The following CLMN variants were observed in gnomAD, a reference collection of about 807,000 sequenced individuals.
The protein encoded by CLMN is calmin.
A neutral mutation model predicts 92.7 loss-of-function variants in CLMN; 57 were observed. The ratio of observed to expected loss-of-function variants is 0.61; its 90% CI spans 0.50 to 0.77. CLMN has a LOEUF of 0.77. Among genes scored for constraint, CLMN ranks in the 30% least tolerant of loss-of-function variants. CLMN has a pLI of 0.00. For missense variants in CLMN, 1,158 were observed against 1,237.5 expected (o/e 0.94, Z 0.96); for synonymous variants, 466 against 470.6 (o/e 0.99, Z 0.13).
intron 7 of CLMN, among the ~76,000 whole-genome samples, chr14:95,210,178 G>A (rs949276035): frequency 3.9e-5 from 6 of 151,952 alleles, no homozygotes; most frequent in African/African-American, 7.3e-5. Flanking sequence ...TCAGTCTCCC[G>A]AGTAGCTGGG....
chr14:95,260,417 G>A (rs1899203642), intron 1 of CLMN: 1 of 151,762 alleles, frequency 6.6e-6, no homozygotes, highest in Non-Finnish European at 1.5e-5. Context: ...ACTCCAGCCT[G>A]GGCAACAGAG....
intron 1 of CLMN, among the ~76,000 whole-genome samples, chr14:95,235,391 C>T (rs1246322980): frequency 6.6e-6 from 1 of 152,172 alleles, no homozygotes; most frequent in African/African-American, 2.4e-5. Context: ...AGATGATTAG[C>T]ATCATTTTTT....
rs1484032533 is a variant in CLMN, at chr14:95,186,906, C to T, written c.*4658G>A. On this transcript the variant is annotated 3_prime_UTR_variant, in exon 13 of 13. Transcript: ENST00000298912. ...GTGAAGCAAGGGTGGTAAAGAAAACCTAGAACCCAGACCACCACATAGACT... is the reference window on the plus strand; with the variant it reads ...GTGAAGCAAGGGTGGTAAAGAAAACTTAGAACCCAGACCACCACATAGACT... 1.3e-5 allele frequency: 2 copies of T among 152,106 alleles called. No homozygotes were observed. Among genetic ancestry groups the T allele is most frequent in the African/African-American group, 4.8e-5 (2 of 41,376 alleles). 9.4% of individuals were successfully genotyped at this position (152,106 alleles called of 1,614,324 possible). A position where few individuals can be genotyped will look rare whatever the true frequency, so the allele number is the denominator to read the frequency against.
intron 9 of CLMN, among the ~76,000 whole-genome samples, chr14:95,199,814 C>T (rs981884471): frequency 6.6e-6 from 1 of 151,990 alleles, no homozygotes; most frequent in Non-Finnish European, 1.5e-5. Flanking sequence ...GTGGGACCAG[C>T]CCAGTCACAC....
At chr14:95,231,581 G>A (rs376862181) in intron 1 of CLMN, among the ~76,000 whole-genome samples, 2 of 152,122 alleles carry the variant, frequency 1.3e-5, no homozygotes, top group Non-Finnish European at 2.9e-5. Context: ...ACTGGTCCCT[G>A]GTGCCAAAAA....
chr14:95,236,575 G>A (rs1898065269), intron 1 of CLMN, among the ~76,000 whole-genome samples: 1 of 152,170 alleles, frequency 6.6e-6, no homozygotes, highest in African/African-American at 2.4e-5. Context: ...GCACGGGACA[G>A]CCCCAGATCA....
chr14:95,223,062 AG>A (rs1182405556), intron 3 of CLMN, among the ~76,000 whole-genome samples: 1 of 152,244 alleles, frequency 6.6e-6, no homozygotes, highest in Non-Finnish European at 1.5e-5. Context: ...GGGCTGGATC[AG>A]TTTGCCCCCT....
chr14:95,193,471 C>T (rs1481299043), intron 12 of CLMN: 1 of 1,113,674 alleles, frequency 9.0e-7, no homozygotes, highest in Non-Finnish European at 1.3e-6. Flanking sequence ...TCACAGGGGC[C>T]ACACAGCCTC....
At chr14:95,253,340 G>A (rs1048883850) in intron 1 of CLMN, among the ~76,000 whole-genome samples, 4 of 152,222 alleles carry the variant, frequency 2.6e-5, no homozygotes, top group East Asian at 1.9e-4. Flanking sequence ...CAGTCAGGGA[G>A]CAAGAGCACA....
chr14:95,192,314 A>G (rs968761962), intron 12 of CLMN: 2 of 152,178 alleles, frequency 1.3e-5, no homozygotes, highest in Non-Finnish European at 2.9e-5. Context: ...TAAAATAATT[A>G]CTAGATTTGA....
chr14:95,317,203 G>C (rs192354252), intron 1 of CLMN, among the ~76,000 whole-genome samples: 1 of 152,148 alleles, frequency 6.6e-6, no homozygotes, highest in Admixed American at 6.5e-5. Flanking sequence ...TTCTGGACTC[G>C]GCCCTTTGGC....
intron 2 of CLMN, among the ~76,000 whole-genome samples, chr14:95,226,218 T>C (rs1403074871): frequency 1.3e-5 from 2 of 152,214 alleles, no homozygotes; most frequent in African/African-American, 4.8e-5. Flanking sequence ...AGTATTTGTA[T>C]ATAATCTATG....
chr14:95,237,337 G>T lies in CLMN; in HGVS notation c.83-7204C>A, dbSNP rs1898089653. 4.6e-5 allele frequency among the ~76,000 whole-genome samples: 7 copies of T among 152,366 alleles called. No individual in the cohort carries two copies. In the South Asian group the frequency reaches 1.4e-3, roughly 32 times the overall value. ...CCGGCACCTGCAGAGGCTGGGAGGA[G>T]GCAGCCGGAGTCAGAGCTTGGGGCA... On this transcript the variant is annotated intron_variant, in intron 1 of 12. Transcript: ENST00000298912.
At chr14:95,310,658 C>G (rs1208457248) in intron 1 of CLMN, among the ~76,000 whole-genome samples, 2 of 152,186 alleles carry the variant, frequency 1.3e-5, no homozygotes, top group African/African-American at 4.8e-5. Flanking sequence ...CACTCAGAGG[C>G]GGGCTCAGAG....
At chr14:95,287,931 G>C (rs1197916993) in intron 1 of CLMN, among the ~76,000 whole-genome samples, 2 of 152,140 alleles carry the variant, frequency 1.3e-5, no homozygotes, top group African/African-American at 4.8e-5. Flanking sequence ...GCACACCAAG[G>C]CATCACCTAC....
intron 1 of CLMN, among the ~76,000 whole-genome samples, chr14:95,319,360 C>T (rs1410342715): frequency 6.6e-6 from 1 of 152,080 alleles, no homozygotes; most frequent in African/African-American, 2.4e-5. Flanking sequence ...CTGTCTCCTC[C>T]CCTCCCTAAC....
At chr14:95,208,054 G>A (rs895469837) in intron 8 of CLMN, among the ~76,000 whole-genome samples, 3 of 151,094 alleles carry the variant, frequency 2.0e-5, no homozygotes, top group Non-Finnish European at 4.4e-5. Flanking sequence ...AGGAATGGCA[G>A]GCAGCCCAGA....
chr14:95,215,484 A>C (rs970744251), intron 5 of CLMN, among the ~76,000 whole-genome samples, 157 bp downstream of exon 5: 13 of 152,250 alleles, frequency 8.5e-5, no homozygotes, highest in African/African-American at 3.1e-4. Flanking sequence ...ACACTTTAGC[A>C]ACCAGATTCT....
intron 1 of CLMN, among the ~76,000 whole-genome samples, chr14:95,263,641 T>C (rs139593723): frequency 0.013 from 2,027 of 152,272 alleles, 21 homozygotes; most frequent in Non-Finnish European, 0.021. Context: ...ACAGGTAGCA[T>C]AACTGGATGT....
Sources: gnomAD v4.1 joint callset for allele counts (sites outside exome capture counted in the v4.1 genomes callset) on GRCh38, gnomAD v4.1.1 for gene constraint, MANE v1.5 for transcripts, NCBI Gene and HGNC (gene_info 2026-07-23, HGNC 2026-07-21) for gene names.